The following MAF variants were observed in gnomAD, a reference collection of about 807,000 sequenced individuals.
The protein encoded by MAF is MAF bZIP transcription factor, also known as transcription factor Maf.
Under a neutral mutation model 22.0 loss-of-function variants are expected in MAF, and 10 were observed. The ratio of observed to expected loss-of-function variants is 0.45; its 90% CI spans 0.28 to 0.77. The LOEUF is 0.77. Ranked by LOEUF, MAF falls within the 30% of genes least tolerant of loss-of-function variation. The pLI is 0.12. For synonymous variants in MAF, 337 were observed against 255.8 expected (o/e 1.32, Z -3.03); for missense variants, 544 against 548.4 (o/e 0.99, Z 0.08).
At chr16:79,585,405 C>G (rs1198240317), downstream of MAF, among the ~76,000 whole-genome samples, 1 of 151,948 alleles carries the variant, frequency 6.6e-6, no homozygotes, top group Non-Finnish European at 1.5e-5. Flanking sequence ...TAAGCAAGAA[C>G]TGAATTATAA....
the MAF span, among the ~76,000 whole-genome samples, chr16:79,509,903 C>A: frequency 6.6e-6 from 1 of 152,154 alleles, no homozygotes; most frequent in Admixed American, 6.5e-5. Context: ...CATGGAGCAA[C>A]TGGGTTGAAA....
At chr16:79,271,708 A>C in the MAF span, among the ~76,000 whole-genome samples, 482 of 152,360 alleles carry the variant, frequency 3.2e-3, 3 homozygotes, top group African/African-American at 0.011. Context: ...TGTTCCAAAC[A>C]TGATTTGGAG....
chr16:79,220,987 C>A, the MAF span, among the ~76,000 whole-genome samples: 2 of 152,140 alleles, frequency 1.3e-5, no homozygotes, highest in East Asian at 3.8e-4. Flanking sequence ...AGGACAGGAG[C>A]ATTGTGTCAG....
At chr16:79,575,338 G>C in the MAF span, among the ~76,000 whole-genome samples, 2 of 152,120 alleles carry the variant, frequency 1.3e-5, no homozygotes, top group Non-Finnish European at 1.5e-5. Context: ...TTGAACAAGA[G>C]ATATACACCT....
chr16:79,277,207 T>A, the MAF span, among the ~76,000 whole-genome samples: 2 of 151,924 alleles, frequency 1.3e-5, no homozygotes, highest in African/African-American at 2.4e-5. Flanking sequence ...CTAGGACACG[T>A]GCAGTTCGGT....
At chr16:79,221,122 G>A in the MAF span, among the ~76,000 whole-genome samples, 1 of 152,182 alleles carries the variant, frequency 6.6e-6, no homozygotes, top group Non-Finnish European at 1.5e-5. Context: ...GAGAAAGTTC[G>A]AAGACTTTCT....
the MAF span, among the ~76,000 whole-genome samples, chr16:79,346,174 C>G: frequency 6.9e-6 from 1 of 144,404 alleles, no homozygotes; most frequent in Non-Finnish European, 1.5e-5. Context: ...GCTATTCCTC[C>G]CCGCTCCCCC....
the MAF span, among the ~76,000 whole-genome samples, chr16:79,285,083 C>T: frequency 2.0e-5 from 3 of 152,192 alleles, no homozygotes; most frequent in Admixed American, 2.0e-4. Context: ...AGAAAACCTT[C>T]CATACCTATT....
At chr16:79,221,107 C>T in the MAF span, among the ~76,000 whole-genome samples, 1 of 152,326 alleles carries the variant, frequency 6.6e-6, no homozygotes, top group Non-Finnish European at 1.5e-5. Context: ...GCTTCAGAAC[C>T]TACTGAGAAA....
the MAF span, among the ~76,000 whole-genome samples, chr16:79,367,129 A>T: frequency 6.6e-6 from 1 of 152,154 alleles, no homozygotes; most frequent in Non-Finnish European, 1.5e-5. Context: ...GATGAGCCAT[A>T]TACACACGGA....
the MAF span, chr16:79,204,121 C>G: frequency 6.6e-6 from 1 of 151,996 alleles, no homozygotes; most frequent in African/African-American, 2.4e-5. Flanking sequence ...TATTTCAAAC[C>G]AACCATGGAA....
At chr16:79,408,902 GA>G in the MAF span, among the ~76,000 whole-genome samples, 1 of 150,922 alleles carries the variant, frequency 6.6e-6, no homozygotes, top group Non-Finnish European at 1.5e-5. Context: ...AAGAGTTATA[GA>G]AAAAAGAATA....
At chr16:79,567,327 A>T in the MAF span, among the ~76,000 whole-genome samples, 2 of 152,172 alleles carry the variant, frequency 1.3e-5, no homozygotes, top group Non-Finnish European at 2.9e-5. Context: ...TCAGAAAAAA[A>T]AAAATGCAAA....
chr16:79,583,666 C>A (rs750254352), downstream of MAF, among the ~76,000 whole-genome samples: 1 of 152,244 alleles, frequency 6.6e-6, no homozygotes, highest in Non-Finnish European at 1.5e-5. Context: ...CGCCAACTCT[C>A]CACTTTGGTG....
chr16:79,322,593 T>G, the MAF span, among the ~76,000 whole-genome samples: 1 of 152,262 alleles, frequency 6.6e-6, no homozygotes, highest in East Asian at 1.9e-4. Flanking sequence ...GAAACAGACC[T>G]TTCTGTTTTC....
the MAF span, among the ~76,000 whole-genome samples, chr16:79,245,512 A>G: frequency 6.6e-6 from 1 of 152,246 alleles, no homozygotes; most frequent in African/African-American, 2.4e-5. Flanking sequence ...ATGAGATACC[A>G]TCTCACACCA....
At chr16:79,292,693 G>A in the MAF span, among the ~76,000 whole-genome samples, 1 of 152,120 alleles carries the variant, frequency 6.6e-6, no homozygotes. Flanking sequence ...CACAGGATGA[G>A]ATACAAGGTT....
chr16:79,569,028 T>A, the MAF span, among the ~76,000 whole-genome samples: 1 of 152,234 alleles, frequency 6.6e-6, no homozygotes, highest in Non-Finnish European at 1.5e-5. Flanking sequence ...GTCTACCATG[T>A]ACTGAGCACT....
At chr16:79,562,088 A>AAC in the MAF span, among the ~76,000 whole-genome samples, 1 of 152,150 alleles carries the variant, frequency 6.6e-6, no homozygotes, top group East Asian at 1.9e-4. Flanking sequence ...CTACTTGGAA[A>AAC]ACATTCCCCC....
Sources: gnomAD v4.1 joint callset for allele counts (sites outside exome capture counted in the v4.1 genomes callset) on GRCh38, gnomAD v4.1.1 for gene constraint, MANE v1.5 for transcripts, NCBI Gene and HGNC (gene_info 2026-07-23, HGNC 2026-07-21) for gene names.